Variants in TPRN observed in about 807,000 individuals in gnomAD.
The protein encoded by TPRN is taperin, also known as chromosome 9 open reading frame 75.
Under a neutral mutation model 42.6 loss-of-function variants are expected in TPRN, and 32 were observed. The observed-to-expected ratio is 0.75, with a 90% CI of 0.57 to 1.01. The LOEUF (loss-of-function observed/expected upper bound fraction) is 1.01, where lower values mean the gene tolerates loss of function less well. Ranked by LOEUF, TPRN falls within the 50% of genes least tolerant of loss-of-function variation. TPRN has a pLI of 0.00. For synonymous variants in TPRN, 541 were observed against 445.6 expected, an observed-to-expected ratio of 1.21 and a Z score of -2.70; for missense variants, 1,095 against 957.5, an observed-to-expected ratio of 1.14 and a Z score of -1.90.
In TPRN at chr9:137,192,248, C is replaced by T. The variant is rs1377599996; in HGVS notation, c.2073+11G>A. On this transcript the variant is annotated intron_variant, in intron 3 of 3. Transcript: ENST00000409012. ...AGACTCCCCCCAGCGCTCCACTCCC[C>T]CGCATCTCACCATGGCCTCCACGGG... The T allele has an allele frequency of 5.0e-6, 8 of 1,613,064 alleles. No homozygotes were observed. Among genetic ancestry groups the T allele is most frequent in the Admixed American group, 1.7e-5 (1 of 60,016 alleles).
intron 1 of TPRN, 100 bp downstream of exon 1, chr9:137,198,887 C>T: frequency 6.3e-7 from 1 of 1,592,480 alleles, no homozygotes; most frequent in Non-Finnish European, 8.5e-7. Flanking sequence ...CATCCTTTGC[C>T]CAGGCCAAGC....
Position 137,199,121 on chromosome 9 carries a change from C to T in TPRN, c.1591G>A (p.Glu531Lys), listed in dbSNP as rs1227630192. The change falls in exon 1 of 4, where the codon GAG (glutamate) becomes AAG (lysine). Residue 531 changes from glutamate (E) to lysine (K), a missense_variant. Coordinates refer to ENST00000409012, the MANE Select transcript of TPRN (RefSeq NM_001128228.3). ...NREPRPREAE[E>K]EEASCLLGPT... ...CCCAGGAGGCAACTAGCCTCCTCCTCCTCGGCCTCCCGTGGCCGAGGCTCC... is the reference window on the plus strand; with the variant it reads ...CCCAGGAGGCAACTAGCCTCCTCCTTCTCGGCCTCCCGTGGCCGAGGCTCC... 7.4e-6 allele frequency: 12 copies of T among 1,613,134 alleles called. No individual in the cohort carries two copies. The East Asian group carries it at 2.7e-4, about 36-fold the overall frequency.
At chr9:137,193,018 G>C in intron 1 of TPRN, 1 of 383,916 alleles carries the variant, frequency 2.6e-6, no homozygotes, top group Non-Finnish European at 4.8e-6. Context: ...CTGCTCTGCT[G>C]TCTGGGCAGA....
At position 137,192,274 on chromosome 9, in the gene TPRN, C is replaced by T. The variant is rs757308882; in HGVS notation, c.2058G>A (p.Pro686=). The change falls in exon 3 of 4, where the codon CCG becomes CCA. Residue 686 remains proline, a synonymous_variant. Transcript: ENST00000409012. ...CGCATCTCACCATGGCCTCCACGGG[C>T]GGGGGCTCTGCCTCCCTCGGGGCCT... ...LEQAPREAEP[P]PVEAMLTPAS... 4 of 1,612,920 alleles carry T rather than the reference C, an allele frequency of 2.5e-6. No homozygotes were observed. In the East Asian group the frequency reaches 6.7e-5, roughly 27 times the overall value.
chr9:137,198,286 T>A (rs1008201884), intron 1 of TPRN, among the ~76,000 whole-genome samples: 2 of 152,202 alleles, frequency 1.3e-5, no homozygotes, highest in Non-Finnish European at 2.9e-5. Flanking sequence ...ATCTGAAGAT[T>A]TTTTTTCCTG....
chr9:137,199,624 G>T lies in TPRN; in HGVS notation c.1088C>A (p.Pro363Gln). The change falls in exon 1 of 4, where the codon CCG becomes CAG. Residue 363 changes from proline (P) to glutamine (Q), a missense_variant. Transcript: ENST00000409012. ...LPKGDLGPAS[P>Q]SQELGSQPVP... ...CGGCTGGGATCCGAGCTCCTGGCTC[G>T]GGGAGGCCGGGCCCAGGTCTCCCTT... 1 of 1,561,596 alleles carries T rather than the reference G, an allele frequency of 6.4e-7. No individual in the cohort carries two copies. The highest frequency in any genetic ancestry group is 8.7e-7 in the Non-Finnish European group (1 of 1,153,524).
chr9:137,192,384 A>C lies in TPRN; in HGVS notation c.1967-19T>G. ...GACAGGCCTGTGAATGGAGGTGCACATGCAGACGTGGACACAGACCAGGCT... is the reference window on the plus strand; with the variant it reads ...GACAGGCCTGTGAATGGAGGTGCACCTGCAGACGTGGACACAGACCAGGCT... On this transcript the variant is annotated intron_variant, in intron 2 of 3. Transcript: ENST00000409012. 6.2e-7 allele frequency: 1 copy of C among 1,612,848 alleles called. No homozygotes were observed. Among genetic ancestry groups the C allele is most frequent in the South Asian group, 1.1e-5 (1 of 91,046 alleles).
Position 137,199,641 on chromosome 9 carries a change from G to T in TPRN, c.1071C>A (p.Asp357Glu). The T allele has an allele frequency of 6.4e-7, 1 of 1,571,582 alleles. No homozygotes were observed. Among genetic ancestry groups the T allele is most frequent in the Non-Finnish European group, 8.6e-7 (1 of 1,159,106 alleles). ...CCTGGCTCGGGGAGGCCGGGCCCAG[G>T]TCTCCCTTTGGCAGCTCCACGGACT... ...GRQSVELPKG[D>E]LGPASPSQEL... is the part of the protein sequence containing the mutation. The change falls in exon 1 of 4, where the codon GAC becomes GAA. Residue 357 changes from aspartate to glutamate, a missense_variant. Physicochemically the swap from Asp to Glu is conservative, Grantham distance 45. Coordinates refer to ENST00000409012, the MANE Select transcript of TPRN (RefSeq NM_001128228.3).
In TPRN at chr9:137,200,374, GGGGCGGGCGGCGC is replaced by G; in HGVS notation, c.325_337del (p.Ala109ArgfsTer337). 9.3e-7 allele frequency: 1 copy of G among 1,077,404 alleles called. No individual in the cohort carries two copies. Among genetic ancestry groups the G allele is most frequent in the Non-Finnish European group, 1.1e-6 (1 of 893,174 alleles). 66.7% of individuals were successfully genotyped at this position (1,077,404 alleles called of 1,614,324 possible). ...GGCGGCGCGGATCTGCGCGGCCCCC[GGGGCGGGCGGCGC>G]GGGCGGGAAGCCGGGCACCGTCTCG... On this transcript the variant is annotated frameshift_variant, in exon 1 of 4. Coordinates refer to ENST00000409012, the MANE Select transcript of TPRN (RefSeq NM_001128228.3). LOFTEE classifies it high-confidence loss of function. This position sits in a 1 kb window ranked among gnomAD's most constrained non-coding sequence, Gnocchi z 4.3.
chr9:137,197,436 C>A (rs1305424277), intron 1 of TPRN, among the ~76,000 whole-genome samples: 1 of 152,188 alleles, frequency 6.6e-6, no homozygotes, highest in African/African-American at 2.4e-5. Flanking sequence ...GATGGCCAGA[C>A]TCTAGGCAGT....
rs1294823280 is a variant in TPRN, at chr9:137,191,954, G to T, written c.*158C>A. On this transcript the variant is annotated 3_prime_UTR_variant, in exon 4 of 4. Transcript: ENST00000409012. ...GGGAGTGAGACCCAGACCTGGCCCC[G>T]ATGGCAGGAGGCACCCTAGCTGCTT... is the stretch of plus-strand genomic sequence containing the variant. 1.1e-6 allele frequency: 1 copy of T among 903,950 alleles called. No homozygotes were observed. The highest frequency in any genetic ancestry group is 1.7e-6 in the Non-Finnish European group (1 of 576,922). 56.0% of individuals were successfully genotyped at this position (903,950 alleles called of 1,614,324 possible).
In TPRN at chr9:137,200,444, G is replaced by C. The variant is rs1238076842; in HGVS notation, c.268C>G (p.Arg90Gly). The change falls in exon 1 of 4, where the codon CGC becomes GGC. Residue 90 changes from arginine to glycine, a missense_variant. Coordinates refer to ENST00000409012, the MANE Select transcript of TPRN (RefSeq NM_001128228.3). This position sits in a 1 kb window ranked among gnomAD's most constrained non-coding sequence, Gnocchi z 4.3. ...LERYRRVPGV[R>G]ALRADSVLII... ...AGGACGCTGTCGGCGCGGAGGGCGC[G>C]CACGCCAGGCACGCGGCGGTACCGC... The C allele has an allele frequency of 1.8e-6, 2 of 1,115,952 alleles. No individual in the cohort carries two copies. Among genetic ancestry groups the C allele is most frequent in the African/African-American group, 1.7e-5 (1 of 58,914 alleles). The allele number at this position is 1,115,952 out of a possible 1,614,324, so 69.1% of individuals were successfully genotyped here.
In TPRN at chr9:137,199,793, T is replaced by A. The variant is rs749094012; in HGVS notation, c.919A>T (p.Met307Leu). ...AGGTCCCCCAAGGGGATGGTCTCCATAACTGGCTTGGGGGCCGGCCGTATC... is the reference window on the plus strand; with the variant it reads ...AGGTCCCCCAAGGGGATGGTCTCCAAAACTGGCTTGGGGGCCGGCCGTATC... ...FEIRPAPKPV[M>L]ETIPLGDLQA... Residue 307 changes from methionine to leucine, a missense_variant, in exon 1 of 4, where the codon ATG becomes TTG. By Grantham distance (15) the Met-to-Leu change is conservative (BLOSUM62 2). Transcript: ENST00000409012. 5.0e-6 allele frequency: 8 copies of A among 1,605,842 alleles called. No individual in the cohort carries two copies. The East Asian group carries it at 1.8e-4, about 36-fold the overall frequency.
Position 137,199,983 on chromosome 9 carries a change from A to G in TPRN, c.729T>C (p.Pro243=). 1 of 1,446,428 alleles carries G rather than the reference A, an allele frequency of 6.9e-7. No homozygotes were observed. The highest frequency in any genetic ancestry group is 1.4e-5 in the South Asian group (1 of 69,282). 89.6% of individuals were successfully genotyped at this position (1,446,428 alleles called of 1,614,324 possible). A position where few individuals can be genotyped will look rare whatever the true frequency, so the allele number is the denominator to read the frequency against. The change falls in exon 1 of 4, where the codon CCT becomes CCC. Residue 243 remains proline (P), a synonymous_variant. Coordinates refer to ENST00000409012, the MANE Select transcript of TPRN (RefSeq NM_001128228.3). ...CCTTTGGCTTCCACTGTCCCGACCC[A>G]GGCGGGGAGCCCGCGAGGCGGTTGG... ...GPANRLAGSP[P]GSGQWKPKVE... is the part of the protein sequence containing the mutation.
Position 137,192,148 on chromosome 9 carries a change from G to A in TPRN, c.2100C>T (p.Leu700=). The A allele has an allele frequency of 6.2e-7, 1 of 1,613,744 alleles. No individual in the cohort carries two copies. ...AMLTPASQND[L]SDFRSEPALY... is the part of the protein sequence containing the mutation. ...GGGCTGGCTCGCTGCGGAAGTCCGA[G>A]AGGTCATTCTGACTGGCGGGTGTGA... Residue 700 remains leucine, a synonymous_variant, in exon 4 of 4, where the codon CTC becomes CTT. Coordinates refer to ENST00000409012, the MANE Select transcript of TPRN (RefSeq NM_001128228.3).
At chr9:137,192,410 C>T in intron 2 of TPRN, 41 bp downstream of exon 2, 1 of 1,611,306 alleles carries the variant, frequency 6.2e-7, no homozygotes. Flanking sequence ...AGACCAGGCT[C>T]CACCCCTCCC....
chr9:137,192,231 C>A, intron 3 of TPRN, 28 bp downstream of exon 3: 2 of 1,613,272 alleles, frequency 1.2e-6, no homozygotes, highest in Non-Finnish European at 1.7e-6. Flanking sequence ...TCAGACTCCC[C>A]CCAGCGCTCC....
chr9:137,195,889 A>G (rs900524182), intron 1 of TPRN, among the ~76,000 whole-genome samples: 1 of 152,302 alleles, frequency 6.6e-6, no homozygotes, highest in East Asian at 1.9e-4. Context: ...TGGCTGCAGC[A>G]CACAGCAGTC....
Position 137,200,555 on chromosome 9 carries a change from G to A in TPRN, c.157C>T (p.Leu53=), listed in dbSNP as rs764939604. 7.7e-5 allele frequency: 90 copies of A among 1,161,716 alleles called. No individual in the cohort carries two copies. The East Asian group carries it at 3.0e-3, about 39-fold the overall frequency. The allele number at this position is 1,161,716 out of a possible 1,614,324, so 72.0% of individuals were successfully genotyped here. Residue 53 remains leucine, a synonymous_variant, in exon 1 of 4, where the codon CTG becomes TTG. Transcript: ENST00000409012. The surrounding 1 kb of genome is among the most constrained non-coding windows in gnomAD (Gnocchi z 4.3). ...EPEQRVLAES[L]GPLRENPFML... is the part of the protein sequence containing the mutation. ...AACGGGTTCTCGCGCAGCGGGCCCA[G>A]GCTCTCGGCCAGCACCCGCTGCTCG...
Sources: gnomAD v4.1 joint callset for allele counts (sites outside exome capture counted in the v4.1 genomes callset) on GRCh38, gnomAD v4.1.1 for gene constraint, Gnocchi (gnomAD v3.1) non-coding constraint, MANE v1.5 for transcripts, NCBI Gene and HGNC (gene_info 2026-07-23, HGNC 2026-07-21) for gene names.